NAV2: variants seen among roughly 807,000 people sequenced by gnomAD.
NAV2 encodes the protein neuron navigator 2.
Under a neutral mutation model 223.2 loss-of-function variants are expected in NAV2, and 54 were observed. The ratio of observed to expected loss-of-function variants is 0.24; its 90% CI spans 0.19 to 0.30. NAV2 has a LOEUF of 0.30. Ranked by LOEUF, NAV2 falls within the 10% of genes least tolerant of loss-of-function variation. The probability of loss-of-function intolerance (pLI) is 1.00; values close to 1 mark genes in which losing one functional copy is unlikely to be tolerated. For synonymous variants in NAV2, 1,279 were observed against 1,239.3 expected, an observed-to-expected ratio of 1.03 and a Z score of -0.67; for missense variants, 2,806 against 3,147.5, an observed-to-expected ratio of 0.89 and a Z score of 2.60.
rs117512417 is a variant in NAV2, at chr11:20,044,911, C to T, written c.3200-57C>T. The T allele has an allele frequency of 4.3e-3, 6,195 of 1,444,828 alleles. 153 individuals carry two copies. The East Asian group carries it at 0.053, about 12-fold the overall frequency. 89.5% of individuals were successfully genotyped at this position (1,444,828 alleles called of 1,614,324 possible). On this transcript the variant is annotated intron_variant, in intron 13 of 37. Coordinates refer to ENST00000349880, the MANE Select transcript of NAV2 (RefSeq NM_145117.5). ...AGAGGAGGAGAGCATCTTAAACAGA[C>T]GAGATGGATGAGCTGGCTCTTGGCT...
chr11:19,827,668 C>T (rs2059708871), intron 1 of NAV2, among the ~76,000 whole-genome samples: 1 of 152,020 alleles, frequency 6.6e-6, no homozygotes, highest in African/African-American at 2.4e-5. Flanking sequence ...GATAAGGCTG[C>T]CTTGACTGAA....
At chr11:19,932,478 C>T (rs528269282) in intron 6 of NAV2, among the ~76,000 whole-genome samples, 1 of 152,164 alleles carries the variant, frequency 6.6e-6, no homozygotes, top group East Asian at 1.9e-4. Context: ...GCCACCACAC[C>T]CAGCTAATTT....
intron 1 of NAV2, among the ~76,000 whole-genome samples, chr11:19,749,007 T>C (rs2152491373): frequency 6.6e-6 from 1 of 152,374 alleles, no homozygotes; most frequent in Non-Finnish European, 1.5e-5. Flanking sequence ...TTCTGGGCCA[T>C]TCAGAGGTCT....
Position 20,118,270 on chromosome 11 carries a change from A to AGCCCAGC in NAV2, c.*17_*23dup. ...AGTCCACTCTGTGACAGGGGCCCGGAGCCCAGCGCCCTCCTCTTCTCCTCA... is the reference window on the plus strand; with the variant it reads ...AGTCCACTCTGTGACAGGGGCCCGGAGCCCAGCGCCCAGCGCCCTCCTCTTCTCCTCA... On this transcript the variant is annotated 3_prime_UTR_variant, in exon 38 of 38. Coordinates refer to ENST00000349880, the MANE Select transcript of NAV2 (RefSeq NM_145117.5). The AGCCCAGC allele has an allele frequency of 6.2e-7, 1 of 1,613,286 alleles. No individual in the cohort carries two copies. Among genetic ancestry groups the AGCCCAGC allele is most frequent in the Non-Finnish European group, 8.5e-7 (1 of 1,179,828 alleles).
chr11:19,474,371 T>C (rs2042055504), intron 1 of NAV2, among the ~76,000 whole-genome samples: 1 of 152,274 alleles, frequency 6.6e-6, no homozygotes, highest in Non-Finnish European at 1.5e-5. Flanking sequence ...TGCTGCATTC[T>C]GTATTCTCCA....
chr11:20,053,213 G>C (rs190273492), intron 17 of NAV2, among the ~76,000 whole-genome samples: 1 of 85,268 alleles, frequency 1.2e-5, no homozygotes, highest in Non-Finnish European at 2.0e-5. Context: ...GCAAGACTAC[G>C]TCTCGAAAAA....
chr11:19,521,146 C>A (rs760593615), intron 1 of NAV2, among the ~76,000 whole-genome samples: 2 of 152,176 alleles, frequency 1.3e-5, no homozygotes, highest in Non-Finnish European at 2.9e-5. Context: ...CCCTGCGTCT[C>A]CCCATCTGGA....
intron 1 of NAV2, among the ~76,000 whole-genome samples, chr11:19,731,188 C>T (rs551136122): frequency 1.2e-4 from 19 of 152,282 alleles, no homozygotes; most frequent in Non-Finnish European, 2.1e-4. Context: ...AGAAGGAGGC[C>T]TCTCTGTGCC....
At chr11:19,850,464 T>C (rs2061050285) in intron 3 of NAV2, among the ~76,000 whole-genome samples, 1 of 152,184 alleles carries the variant, frequency 6.6e-6, no homozygotes, top group Admixed American at 6.5e-5. Context: ...GGGAGGGAGC[T>C]GGCCTGAATG....
intron 1 of NAV2, among the ~76,000 whole-genome samples, chr11:19,426,677 G>C (rs1850841114): frequency 6.8e-6 from 1 of 147,306 alleles, no homozygotes. Context: ...TTCAGGCTTA[G>C]AGTAAACAGT....
intron 1 of NAV2, among the ~76,000 whole-genome samples, chr11:19,753,568 A>G (rs1468199263): frequency 6.6e-6 from 1 of 152,138 alleles, no homozygotes; most frequent in African/African-American, 2.4e-5. Flanking sequence ...CTACTCTGTC[A>G]TTGCATTAGT....
At position 19,998,292 on chromosome 11, in the gene NAV2, C is replaced by T. The variant is rs1406829142; in HGVS notation, c.2768+14045C>T. ...CTGCTTCTCTCTCTCCCTCTCTCCG[C>T]CCACCTCCCTCTCCTTCTCTCTCAT... On this transcript the variant is annotated intron_variant, in intron 11 of 37. Transcript: ENST00000349880. This position sits in a 1 kb window ranked among gnomAD's most constrained non-coding sequence, Gnocchi z 5.0. Among the ~76,000 whole-genome samples the T allele has an allele frequency of 6.6e-6, 1 of 151,828 alleles. No homozygotes were observed. The highest frequency in any genetic ancestry group is 2.4e-5 in the African/African-American group (1 of 41,322).
chr11:19,973,595 T>C (rs2049440986), intron 10 of NAV2, among the ~76,000 whole-genome samples: 1 of 152,178 alleles, frequency 6.6e-6, no homozygotes, highest in Non-Finnish European at 1.5e-5. Flanking sequence ...AGTGGTGAGA[T>C]TAAGCGTGTG....
At chr11:20,065,803 C>T (rs2059010250) in intron 20 of NAV2, among the ~76,000 whole-genome samples, 1 of 152,204 alleles carries the variant, frequency 6.6e-6, no homozygotes, top group African/African-American at 2.4e-5. Context: ...GCTAACAGGC[C>T]TCCGCCAGCC....
At chr11:19,527,499 T>A (rs747401122) in intron 1 of NAV2, among the ~76,000 whole-genome samples, 12 of 152,078 alleles carry the variant, frequency 7.9e-5, no homozygotes, top group Non-Finnish European at 1.6e-4. Flanking sequence ...GCCTTTAACT[T>A]TCCCAAGTCT....
At chr11:19,618,393 GA>G (rs2046867341) in intron 1 of NAV2, among the ~76,000 whole-genome samples, 1 of 19,714 alleles carries the variant, frequency 5.1e-5, no homozygotes, top group African/African-American at 7.5e-5. Flanking sequence ...TGGATGGATG[GA>G]TGAATAGATG....
At chr11:19,760,228 G>C (rs1158632265) in intron 1 of NAV2, 1 of 152,170 alleles carries the variant, frequency 6.6e-6, no homozygotes, top group Admixed American at 6.5e-5. Context: ...GAGGCAGGCT[G>C]GAGAATGAGA....
chr11:19,528,234 T>A (rs1438589662), intron 1 of NAV2, among the ~76,000 whole-genome samples: 1 of 151,854 alleles, frequency 6.6e-6, no homozygotes, highest in Non-Finnish European at 1.5e-5. Context: ...GAAAAGGAGG[T>A]GGTTTGAGGA....
intron 1 of NAV2, among the ~76,000 whole-genome samples, chr11:19,670,017 A>T (rs1023094662): frequency 2.6e-5 from 4 of 152,188 alleles, no homozygotes; most frequent in Admixed American, 2.6e-4. Context: ...GTCCCATGCG[A>T]TCCAGCTCCT....
Sources: gnomAD v4.1 joint callset for allele counts (sites outside exome capture counted in the v4.1 genomes callset) on GRCh38, gnomAD v4.1.1 for gene constraint, Gnocchi (gnomAD v3.1) non-coding constraint, MANE v1.5 for transcripts, NCBI Gene and HGNC (gene_info 2026-07-23, HGNC 2026-07-21) for gene names.